KANK1: variants seen among roughly 807,000 people sequenced by gnomAD.
The protein encoded by KANK1 is KN motif and ankyrin repeat domains 1.
KANK1 carries 109 observed loss-of-function variants against 106.2 expected under a neutral mutation model. The ratio of observed to expected loss-of-function variants is 1.03; its 90% CI spans 0.88 to 1.20. The LOEUF is 1.20. KANK1 is among the 50% of genes most tolerant of loss of function. The probability of loss-of-function intolerance (pLI) is 0.00; values close to 1 mark genes in which losing one functional copy is unlikely to be tolerated. For missense variants in KANK1, 2,399 were observed against 1,710.7 expected (o/e 1.40, Z -7.10); for synonymous variants, 873 against 652.2 (o/e 1.34, Z -5.16).
At chr9:471,479 A>G (rs144683284) in intron 2 of KANK1, 1 of 151,948 alleles carries the variant, frequency 6.6e-6, no homozygotes, top group Non-Finnish European at 1.5e-5. Context: ...TCCATGTGGG[A>G]CTCCCTCCTT....
intron 3 of KANK1, among the ~76,000 whole-genome samples, chr9:724,167 T>C (rs1442661981): frequency 6.6e-6 from 1 of 152,218 alleles, no homozygotes; most frequent in African/African-American, 2.4e-5. Context: ...CTTATCTTTT[T>C]TTAAGATTTG....
rs926587052 is a variant in KANK1 at position 554,736 on chromosome 9, T to G, written c.-84+49982T>G. 2.6e-5 allele frequency among the ~76,000 whole-genome samples: 4 copies of G among 152,198 alleles called. 1 individual carries two copies. The South Asian group carries it at 8.3e-4, about 31-fold the overall frequency. Reference sequence around the variant, plus strand: ...TCTAGGATTTGACATTTTCAGCAATTGAGAATTACTATATTTTGTAAATGG... The same window carrying G: ...TCTAGGATTTGACATTTTCAGCAATGGAGAATTACTATATTTTGTAAATGG... On this transcript the variant is annotated intron_variant, in intron 1 of 11. Transcript: ENST00000382297.
At chr9:618,487 C>A (rs1027616113) in intron 1 of KANK1, among the ~76,000 whole-genome samples, 1 of 152,072 alleles carries the variant, frequency 6.6e-6, no homozygotes, top group Admixed American at 6.6e-5. Flanking sequence ...AGATTACAGT[C>A]GTGAGCTACC....
chr9:523,988 G>A (rs1014781447), intron 1 of KANK1, among the ~76,000 whole-genome samples: 5 of 151,722 alleles, frequency 3.3e-5, no homozygotes, highest in African/African-American at 4.9e-5. Context: ...AACTGGAAAC[G>A]CAGAAGACAC....
At chr9:743,124 A>G (rs1836135286) in intron 10 of KANK1, among the ~76,000 whole-genome samples, 1 of 152,194 alleles carries the variant, frequency 6.6e-6, no homozygotes, top group African/African-American at 2.4e-5. Context: ...GAGATGGTGT[A>G]AAGGTCACAG....
In KANK1 at chr9:717,075, A is replaced by C. The variant is rs144269068; in HGVS notation, c.2698+3611A>C. Among the ~76,000 whole-genome samples, 10 of 152,266 alleles carry C rather than the reference A, an allele frequency of 6.6e-5. No homozygotes were observed. The East Asian group carries it at 1.9e-3, about 29-fold the overall frequency. On this transcript the variant is annotated intron_variant, in intron 3 of 11. Coordinates refer to ENST00000382297, the MANE Select transcript of KANK1 (RefSeq NM_015158.5). ...TGAGGCTGGCAGAGTGCTTGAGCCC[A>C]GGAGTTCGAGACCATCCTGGGCAAT...
chr9:723,652 C>T (rs780581686), intron 3 of KANK1, among the ~76,000 whole-genome samples: 1 of 151,380 alleles, frequency 6.6e-6, no homozygotes, highest in African/African-American at 2.4e-5. Flanking sequence ...ATTTTATTGT[C>T]TATAAATTGT....
At chr9:744,802 C>T in intron 11 of KANK1, 9 of 1,449,042 alleles carry the variant, frequency 6.2e-6, no homozygotes, top group Non-Finnish European at 8.2e-6. Context: ...CTTGTCCTTG[C>T]AAGACATATG....
chr9:533,983 A>G (rs1231522474), intron 1 of KANK1, among the ~76,000 whole-genome samples: 1 of 152,186 alleles, frequency 6.6e-6, no homozygotes, highest in Non-Finnish European at 1.5e-5. Flanking sequence ...AGATAAGGAG[A>G]ATAATGTAAG....
intron 1 of KANK1, among the ~76,000 whole-genome samples, chr9:536,603 T>A (rs989664352): frequency 2.6e-5 from 4 of 152,208 alleles, no homozygotes; most frequent in Non-Finnish European, 5.9e-5. Flanking sequence ...GCTCCTCTTA[T>A]GTGATCCCAT....
chr9:528,340 C>A (rs376611060), intron 1 of KANK1, among the ~76,000 whole-genome samples: 44 of 151,850 alleles, frequency 2.9e-4, no homozygotes, highest in African/African-American at 1.0e-3. Context: ...TGTTGGTGGT[C>A]CTTCTGGGCA....
chr9:602,501 G>A (rs1334087101), intron 1 of KANK1, among the ~76,000 whole-genome samples: 4 of 151,474 alleles, frequency 2.6e-5, no homozygotes, highest in South Asian at 2.1e-4. Flanking sequence ...CTCATGATCC[G>A]CCTGCCTCAG....
chr9:608,034 A>ATTTATTT (rs1554646405), intron 1 of KANK1, among the ~76,000 whole-genome samples: 1 of 115,354 alleles, frequency 8.7e-6, no homozygotes, highest in African/African-American at 3.7e-5. Context: ...TATTATTATT[A>ATTTATTT]TTTTTTTTTT....
intron 1 of KANK1, among the ~76,000 whole-genome samples, chr9:608,369 C>G (rs931541176): frequency 2.2e-4 from 33 of 151,812 alleles, no homozygotes; most frequent in Non-Finnish European, 1.3e-4. Flanking sequence ...ATAGCACATT[C>G]TACGTGACCA....
rs748225173 is a variant in KANK1, at chr9:710,970, G to A, written c.204G>A (p.Lys68=). 1.1e-5 allele frequency: 18 copies of A among 1,614,052 alleles called. No homozygotes were observed. The highest frequency in any genetic ancestry group is 1.5e-5 in the Non-Finnish European group (18 of 1,180,036). The change falls in exon 3 of 12, where the codon AAG becomes AAA. Residue 68 remains lysine, a synonymous_variant. Coordinates refer to ENST00000382297, the MANE Select transcript of KANK1 (RefSeq NM_015158.5). ...IKRLNIQKRR[K]PSVPCPEPRT... Reference sequence around the variant, plus strand: ...GACTGAACATCCAGAAGAGGCGGAAGCCGTCCGTGCCATGCCCAGAACCCA... The same window carrying A: ...GACTGAACATCCAGAAGAGGCGGAAACCGTCCGTGCCATGCCCAGAACCCA...
intron 1 of KANK1, among the ~76,000 whole-genome samples, chr9:602,404 C>T (rs1055565278): frequency 3.3e-5 from 5 of 151,620 alleles, no homozygotes; most frequent in Admixed American, 6.6e-5. Context: ...GGACTACAGG[C>T]ATGCACCACC....
At chr9:690,373 A>G (rs1199564652) in intron 2 of KANK1, among the ~76,000 whole-genome samples, 1 of 152,096 alleles carries the variant, frequency 6.6e-6, no homozygotes, top group Non-Finnish European at 1.5e-5. Flanking sequence ...TTCAGTACCA[A>G]AATAGTATGC....
intron 1 of KANK1, among the ~76,000 whole-genome samples, chr9:540,980 T>C (rs895105876): frequency 6.6e-6 from 1 of 152,190 alleles, no homozygotes; most frequent in South Asian, 2.1e-4. Context: ...CTGCTGACTT[T>C]GGGCTGTTCC....
intron 11 of KANK1, 31 bp from the exon 12 acceptor site, chr9:745,142 C>A (rs370153674): frequency 6.2e-7 from 1 of 1,611,274 alleles, no homozygotes; most frequent in African/African-American, 1.3e-5. Flanking sequence ...CACTTATTAA[C>A]CCCCAGTTTT....
Sources: allele counts gnomAD v4.1 joint callset (sites outside exome capture counted in the v4.1 genomes callset), GRCh38; gene constraint gnomAD v4.1.1; transcripts MANE v1.5; gene names NCBI Gene and HGNC (gene_info 2026-07-23, HGNC 2026-07-21).